Variants in LHX8 observed in about 807,000 individuals in gnomAD.
LHX8 encodes the protein LIM/homeobox protein Lhx8.
A neutral mutation model predicts 40.3 loss-of-function variants in LHX8; 12 were observed. That is an observed-to-expected ratio of 0.30 (90% CI 0.19 to 0.48). The LOEUF (loss-of-function observed/expected upper bound fraction) is 0.48. Among genes scored for constraint, LHX8 ranks in the 20% least tolerant of loss-of-function variants. LHX8 has a pLI of 0.99. For missense variants in LHX8, 344 were observed against 433.7 expected (o/e 0.79, Z 1.84); for synonymous variants, 179 against 162.0 (o/e 1.10, Z -0.80).
chr1:75,166,030 A>G (rs1244041476), downstream of LHX8, among the ~76,000 whole-genome samples: 1 of 152,194 alleles, frequency 6.6e-6, no homozygotes, highest in Non-Finnish European at 1.5e-5. Context: ...GACATGGTAA[A>G]AACATGATCC....
At chr1:75,148,404 CT>C (rs1648520164) in intron 6 of LHX8, among the ~76,000 whole-genome samples, 182 bp from the exon 7 acceptor site, 3 of 152,122 alleles carry the variant, frequency 2.0e-5, no homozygotes, top group Non-Finnish European at 4.4e-5. Context: ...AGCATAGCAA[CT>C]TGTGTATAAA....
chr1:75,169,836 C>A, the LHX8 span, among the ~76,000 whole-genome samples: 1 of 152,186 alleles, frequency 6.6e-6, no homozygotes, highest in South Asian at 2.1e-4. Context: ...CATATCACTA[C>A]TCAGCTGTGG....
chr1:75,156,330 C>G (rs1354034289), intron 7 of LHX8, among the ~76,000 whole-genome samples: 1 of 152,078 alleles, frequency 6.6e-6, no homozygotes, highest in Non-Finnish European at 1.5e-5. Context: ...CAACCTCTGC[C>G]TCCTGGGCTC....
At chr1:75,152,369 A>G (rs906982897) in intron 7 of LHX8, among the ~76,000 whole-genome samples, 1 of 152,104 alleles carries the variant, frequency 6.6e-6, no homozygotes, top group Non-Finnish European at 1.5e-5. Flanking sequence ...TTCCCCACAC[A>G]CTGCATCCAG....
At chr1:75,131,049 C>T (rs1054584273), upstream of LHX8, 1 of 443,482 alleles carries the variant, frequency 2.3e-6, no homozygotes, top group African/African-American at 2.0e-5. Context: ...CGGTGAGGGC[C>T]GCGGGCCAGG....
chr1:75,178,237 T>G, the LHX8 span, among the ~76,000 whole-genome samples: 1 of 152,236 alleles, frequency 6.6e-6, no homozygotes, highest in East Asian at 1.9e-4. Flanking sequence ...TGGAATAGTT[T>G]AGAAGGAATG....
chr1:75,147,270 A>ACCTCAGAAGGTTTC (rs1553133451), intron 6 of LHX8, among the ~76,000 whole-genome samples: 4 of 152,144 alleles, frequency 2.6e-5, no homozygotes, highest in Non-Finnish European at 5.9e-5. Flanking sequence ...AAATTTGTAA[A>ACCTCAGAAGGTTTC]CCTCAGAAGG....
At chr1:75,128,775 A>G (rs1647889160) in intron 1 of LHX8, among the ~76,000 whole-genome samples, 1 of 152,214 alleles carries the variant, frequency 6.6e-6, no homozygotes, top group Non-Finnish European at 1.5e-5. Context: ...GTTATAGATT[A>G]ACTCTCAAAT....
At chr1:75,171,873 T>G in the LHX8 span, among the ~76,000 whole-genome samples, 1 of 152,226 alleles carries the variant, frequency 6.6e-6, no homozygotes, top group Non-Finnish European at 1.5e-5. Context: ...GGTAAGTCTG[T>G]GGCTTTGCTA....
the LHX8 span, among the ~76,000 whole-genome samples, chr1:75,176,214 A>C: frequency 1.3e-5 from 2 of 152,180 alleles, no homozygotes; most frequent in Non-Finnish European, 2.9e-5. Flanking sequence ...GTCAAATGTT[A>C]TTTCTAGTTC....
the LHX8 span, among the ~76,000 whole-genome samples, chr1:75,191,928 G>C: frequency 2.0e-5 from 3 of 152,116 alleles, no homozygotes; most frequent in East Asian, 5.8e-4. Flanking sequence ...GATTCTTGCA[G>C]AAAGTTTTAT....
chr1:75,186,270 T>A, the LHX8 span, among the ~76,000 whole-genome samples: 1 of 152,106 alleles, frequency 6.6e-6, no homozygotes, highest in Non-Finnish European at 1.5e-5. Flanking sequence ...GCTGGAGATA[T>A]CACATTACCC....
chr1:75,128,969 A>G, intron 1 of LHX8, among the ~76,000 whole-genome samples: 1 of 152,068 alleles, frequency 6.6e-6, no homozygotes, highest in East Asian at 1.9e-4. Flanking sequence ...ACATTGACCT[A>G]CCCTTCACTG....
chr1:75,176,988 G>A, the LHX8 span, among the ~76,000 whole-genome samples: 4 of 152,206 alleles, frequency 2.6e-5, no homozygotes, highest in South Asian at 4.1e-4. Context: ...GGTTGTAGAT[G>A]TGTGGTGTTA....
chr1:75,137,394 T>C, intron 3 of LHX8, 133 bp downstream of exon 3: 1 of 892,816 alleles, frequency 1.1e-6, no homozygotes, highest in East Asian at 2.6e-5. Context: ...TTGCAGAAAA[T>C]CAGCCCAGTT....
the LHX8 span, among the ~76,000 whole-genome samples, chr1:75,184,841 T>G: frequency 7.7e-4 from 101 of 131,906 alleles, no homozygotes; most frequent in African/African-American, 2.7e-3. Context: ...TTTTGGAAAA[T>G]TAATAAAATA....
chr1:75,146,935 C>T (rs1356806375), intron 6 of LHX8, among the ~76,000 whole-genome samples: 1 of 152,004 alleles, frequency 6.6e-6, no homozygotes, highest in African/African-American at 2.4e-5. Context: ...TAATAATGAC[C>T]TTACAAAATC....
At chr1:75,185,982 T>C in the LHX8 span, among the ~76,000 whole-genome samples, 1 of 152,182 alleles carries the variant, frequency 6.6e-6, no homozygotes, top group Non-Finnish European at 1.5e-5. Context: ...GGAATTCAGC[T>C]AACCAGGGAG....
chr1:75,196,835 T>G, the LHX8 span, among the ~76,000 whole-genome samples: 1 of 152,164 alleles, frequency 6.6e-6, no homozygotes, highest in Non-Finnish European at 1.5e-5. Flanking sequence ...GTCTTGCACA[T>G]GTACAGGCAC....
Sources: allele counts gnomAD v4.1 joint callset (sites outside exome capture counted in the v4.1 genomes callset), GRCh38; gene constraint gnomAD v4.1.1; transcripts MANE v1.5; gene names NCBI Gene and HGNC (gene_info 2026-07-23, HGNC 2026-07-21).